Variants in PARD3 observed in about 807,000 individuals in gnomAD.
The protein encoded by PARD3 is par-3 family cell polarity regulator.
PARD3 carries 75 observed loss-of-function variants against 155.4 expected under a neutral mutation model. The observed-to-expected ratio is 0.48, with a 90% CI of 0.40 to 0.58. The LOEUF (loss-of-function observed/expected upper bound fraction) is 0.58, where lower values mean the gene tolerates loss of function less well. Among genes scored for constraint, PARD3 ranks in the 20% least tolerant of loss-of-function variants. The pLI is 0.00. For synonymous variants in PARD3, 576 were observed against 610.5 expected (o/e 0.94, Z 0.83); for missense variants, 1,642 against 1,721.7 (o/e 0.95, Z 0.82).
chr10:34,283,538 C>T (rs1033865990), intron 21 of PARD3, among the ~76,000 whole-genome samples: 1 of 152,054 alleles, frequency 6.6e-6, no homozygotes, highest in East Asian at 1.9e-4. Flanking sequence ...TCTTTAAGTT[C>T]TCAACATGGA....
chr10:34,367,271 G>A (rs1430494033), intron 12 of PARD3, among the ~76,000 whole-genome samples: 1 of 152,076 alleles, frequency 6.6e-6, no homozygotes, highest in African/African-American at 2.4e-5. Flanking sequence ...ATCCTGAATT[G>A]GAAACAGGAC....
At chr10:34,699,844 C>T (rs2094241265) in intron 1 of PARD3, among the ~76,000 whole-genome samples, 2 of 152,114 alleles carry the variant, frequency 1.3e-5, no homozygotes, top group Non-Finnish European at 2.9e-5. Context: ...CACTGCACTC[C>T]AGCCTGGGCA....
At chr10:34,727,874 TC>T (rs1389628441) in intron 1 of PARD3, among the ~76,000 whole-genome samples, 1 of 101,386 alleles carries the variant, frequency 9.9e-6, no homozygotes, top group Admixed American at 9.6e-5. Context: ...ACCCCCTCCC[TC>T]CGCCACACAC....
chr10:34,435,138 T>C (rs1294013976), intron 5 of PARD3, among the ~76,000 whole-genome samples: 2 of 152,174 alleles, frequency 1.3e-5, no homozygotes, highest in African/African-American at 4.8e-5. Context: ...TTATTTATCC[T>C]GTGTATATGT....
At chr10:34,655,530 T>A (rs1390289406) in intron 2 of PARD3, among the ~76,000 whole-genome samples, 1 of 152,140 alleles carries the variant, frequency 6.6e-6, no homozygotes, top group Non-Finnish European at 1.5e-5. Context: ...CGATTCATAC[T>A]CCAAAACTCC....
intron 2 of PARD3, among the ~76,000 whole-genome samples, chr10:34,694,394 C>G (rs1385298418): frequency 6.6e-6 from 1 of 151,224 alleles, no homozygotes; most frequent in East Asian, 1.9e-4. Context: ...CTAAGCCTGG[C>G]TCACTCAAAA....
chr10:34,433,413 A>G (rs1482763256), intron 5 of PARD3, among the ~76,000 whole-genome samples: 1 of 152,112 alleles, frequency 6.6e-6, no homozygotes, highest in African/African-American at 2.4e-5. Flanking sequence ...ATCAAGACCT[A>G]TTTTTCTTGG....
chr10:34,692,427 C>T (rs945612795), intron 2 of PARD3, among the ~76,000 whole-genome samples: 2 of 152,048 alleles, frequency 1.3e-5, no homozygotes, highest in African/African-American at 4.8e-5. Flanking sequence ...AACTAAAAAC[C>T]TTCTGCACAG....
Position 34,378,020 on chromosome 10 carries a change from G to A in PARD3, c.1486C>T (p.Arg496Trp), listed in dbSNP as rs767870557. The change falls in exon 10 of 25, where the codon CGG becomes TGG. Residue 496 changes from arginine to tryptophan, a missense_variant. Coordinates refer to ENST00000374788, the MANE Select transcript of PARD3 (RefSeq NM_001184785.2). ...CGGCCATCCTGAATGGCCGCCCCCCGGGGGAGAATGTTTTTCACATAGATT... is the reference window on the plus strand; with the variant it reads ...CGGCCATCCTGAATGGCCGCCCCCCAGGGGAGAATGTTTTTCACATAGATT... ...APIYVKNILP[R>W]GAAIQDGRLK... is the part of the protein sequence containing the mutation. The A allele has an allele frequency of 1.3e-5, 20 of 1,586,314 alleles. No individual in the cohort carries two copies. The highest frequency in any genetic ancestry group is 4.8e-5 in the East Asian group (2 of 41,602).
rs575677524 is a variant in PARD3 at position 34,227,604 on chromosome 10, C to T, written c.3419+42053G>A. On this transcript the variant is annotated intron_variant, in intron 22 of 24. Coordinates refer to ENST00000374788, the MANE Select transcript of PARD3 (RefSeq NM_001184785.2). ...AGTGAGCCGAGATTGCGCCATTGCA[C>T]GCCAGCCTGGGCAACAAGAGCGAAA... Among the ~76,000 whole-genome samples the T allele has an allele frequency of 2.9e-3, 442 of 152,202 alleles. 1 individual carries two copies. The highest frequency in any genetic ancestry group is 8.2e-3 in the Admixed American group (126 of 15,278).
intron 2 of PARD3, among the ~76,000 whole-genome samples, chr10:34,607,599 T>G (rs554448656): frequency 6.6e-6 from 1 of 152,232 alleles, no homozygotes. Context: ...CATGATCCTT[T>G]TTCTGTTGCA....
chr10:34,516,109 C>T (rs550091885), intron 3 of PARD3, among the ~76,000 whole-genome samples: 3 of 152,060 alleles, frequency 2.0e-5, no homozygotes, highest in Non-Finnish European at 2.9e-5. Context: ...GGATTACAGG[C>T]AACCGCCACC....
In PARD3 at chr10:34,360,160, C is replaced by A. The variant is rs1839306941; in HGVS notation, c.1807G>T (p.Val603Phe). The A allele has an allele frequency of 1.9e-6, 3 of 1,613,974 alleles. No individual in the cohort carries two copies. The highest frequency in any genetic ancestry group is 2.5e-6 in the Non-Finnish European group (3 of 1,179,830). Reference protein sequence around the residue: ...LNDSGSAGLGVSVKGNRSKEN... With the variant: ...LNDSGSAGLGFSVKGNRSKEN... ...TTTGACCGGTTACCTTTGACACTGA[C>A]ACCAAGGCCTGCAGATCCTGAATCA... The change falls in exon 13 of 25, where the codon GTC (valine) becomes TTC (phenylalanine). Residue 603 changes from valine (V) to phenylalanine (F), a missense_variant. Around this residue, in one of 3 missense-constraint regions of PARD3, gnomAD observed 1,529 missense variants for 1,587.3 expected, o/e 0.96. Transcript: ENST00000374788.
chr10:34,354,411 C>G (rs1318886188), intron 14 of PARD3, among the ~76,000 whole-genome samples: 1 of 151,648 alleles, frequency 6.6e-6, no homozygotes, highest in East Asian at 1.9e-4. Context: ...TCCAGGGTTG[C>G]TCTTCGTCAT....
chr10:34,626,605 A>T (rs2091991107), intron 2 of PARD3, among the ~76,000 whole-genome samples: 1 of 152,242 alleles, frequency 6.6e-6, no homozygotes, highest in Admixed American at 6.5e-5. Flanking sequence ...TATATCTGTT[A>T]TGACTAAAAT....
intron 1 of PARD3, among the ~76,000 whole-genome samples, chr10:34,798,085 T>G (rs189232161): frequency 2.6e-5 from 4 of 152,060 alleles, no homozygotes; most frequent in African/African-American, 9.6e-5. Context: ...TATGGGAGGC[T>G]GAGGCAAGAG....
At chr10:34,270,138 AT>A (rs1374677485) in intron 21 of PARD3, among the ~76,000 whole-genome samples, 1 of 138,354 alleles carries the variant, frequency 7.2e-6, no homozygotes. Context: ...CATAATTTAA[AT>A]CTTTTTTTTT....
intron 2 of PARD3, among the ~76,000 whole-genome samples, chr10:34,562,314 G>A (rs1172520822): frequency 6.6e-6 from 1 of 151,838 alleles, no homozygotes; most frequent in Non-Finnish European, 1.5e-5. Flanking sequence ...GCATGTGCCT[G>A]TAATCCCTGC....
At chr10:34,584,645 T>G (rs1461805411) in intron 2 of PARD3, among the ~76,000 whole-genome samples, 2 of 152,158 alleles carry the variant, frequency 1.3e-5, no homozygotes, top group Non-Finnish European at 2.9e-5. Flanking sequence ...AGCGTCTCTG[T>G]GATGTTTGTC....
Sources: allele counts gnomAD v4.1 joint callset (sites outside exome capture counted in the v4.1 genomes callset), GRCh38; gene constraint gnomAD v4.1.1; regional missense constraint gnomAD v4.1.1; transcripts MANE v1.5; gene names NCBI Gene and HGNC (gene_info 2026-07-23, HGNC 2026-07-21).